Variants in CFAP57 observed in about 807,000 individuals in gnomAD.
The protein encoded by CFAP57 is cilia- and flagella-associated protein 57.
Under a neutral mutation model 146.8 loss-of-function variants are expected in CFAP57, and 116 were observed. The ratio of observed to expected loss-of-function variants is 0.79; its 90% CI spans 0.68 to 0.92. The LOEUF (loss-of-function observed/expected upper bound fraction) is 0.92, where lower values mean the gene tolerates loss of function less well. CFAP57 is among the 40% of genes least tolerant of loss of function. CFAP57 has a pLI of 0.00. For missense variants in CFAP57, 1,377 were observed against 1,527.2 expected (o/e 0.90, Z 1.64); for synonymous variants, 518 against 552.8 (o/e 0.94, Z 0.88).
In CFAP57 at chr1:43,222,261, C is replaced by CA; in HGVS notation, c.2502dup (p.Leu835ThrfsTer23). 1.4e-6 allele frequency: 2 copies of CA among 1,472,344 alleles called. No homozygotes were observed. Among genetic ancestry groups the CA allele is most frequent in the Non-Finnish European group, 1.8e-6 (2 of 1,107,744 alleles). 91.2% of individuals were successfully genotyped at this position (1,472,344 alleles called of 1,614,324 possible). ...GAGGAGCTGACTGAGTTTTACGAGGCAAAACTGCAGGAGAAAACCACCCTT... is the reference window on the plus strand; with the variant it reads ...GAGGAGCTGACTGAGTTTTACGAGGCAAAAACTGCAGGAGAAAACCACCCTT... On this transcript the variant is annotated frameshift_variant, in exon 15 of 23. Transcript: ENST00000372492. LOFTEE classifies it high-confidence loss of function.
Position 43,201,106 on chromosome 1 carries a change from G to A in CFAP57, c.1542+1603G>A, listed in dbSNP as rs1301378830. Reference sequence around the variant, plus strand: ...ATGTATGTGTGTGGAGGTCAGGAGAGAAGTCAGGGCTGAGTATGAAGATTC... The same window carrying A: ...ATGTATGTGTGTGGAGGTCAGGAGAAAAGTCAGGGCTGAGTATGAAGATTC... On this transcript the variant is annotated intron_variant, in intron 9 of 22. Coordinates refer to ENST00000372492, the MANE Select transcript of CFAP57 (RefSeq NM_001378189.1). This position sits in a 1 kb window ranked among gnomAD's most constrained non-coding sequence, Gnocchi z 4.4. Among the ~76,000 whole-genome samples, 1 of 152,164 alleles carries A rather than the reference G, an allele frequency of 6.6e-6. No individual in the cohort carries two copies. The highest frequency in any genetic ancestry group is 1.5e-5 in the Non-Finnish European group (1 of 68,040).
chr1:43,176,713 A>G (rs1335440388), intron 2 of CFAP57, among the ~76,000 whole-genome samples: 4 of 152,220 alleles, frequency 2.6e-5, no homozygotes, highest in African/African-American at 9.7e-5. Flanking sequence ...CATGCTAGAT[A>G]GTGATAGATG....
At chr1:43,239,829 T>G (rs1005328248) in intron 21 of CFAP57, among the ~76,000 whole-genome samples, 7 of 152,342 alleles carry the variant, frequency 4.6e-5, no homozygotes, top group African/African-American at 1.7e-4. Flanking sequence ...CCTTCTGTTC[T>G]GGTCTCTTTC....
chr1:43,227,138 T>C lies in CFAP57; in HGVS notation c.3009+12T>C, dbSNP rs200389336. On this transcript the variant is annotated intron_variant, in intron 18 of 22. Coordinates refer to ENST00000372492, the MANE Select transcript of CFAP57 (RefSeq NM_001378189.1). ...AACAGATTCAGGAGGTAAGAAGCCA[T>C]TTGCAACACTCTGGCCTCTCAGACC... 5.1e-4 allele frequency: 779 copies of C among 1,521,196 alleles called. 1 individual carries two copies. Among genetic ancestry groups the C allele is most frequent in the Middle Eastern group, 1.7e-3 (10 of 5,842 alleles). The allele number at this position is 1,521,196 out of a possible 1,614,324, so 94.2% of individuals were successfully genotyped here.
chr1:43,175,161 C>T (rs964605694), intron 2 of CFAP57, among the ~76,000 whole-genome samples: 11 of 152,042 alleles, frequency 7.2e-5, no homozygotes, highest in Non-Finnish European at 5.9e-5. Context: ...CTATCAGCAT[C>T]GTCTTTCTGT....
intron 12 of CFAP57, among the ~76,000 whole-genome samples, chr1:43,219,035 G>A (rs1352151578): frequency 6.6e-6 from 1 of 152,326 alleles, no homozygotes; most frequent in South Asian, 2.1e-4. Flanking sequence ...AAGAAGTAGA[G>A]CAGAGTAAGA....
At chr1:43,226,220 G>A (rs1645237726) in intron 17 of CFAP57, among the ~76,000 whole-genome samples, 1 of 152,200 alleles carries the variant, frequency 6.6e-6, no homozygotes, top group Non-Finnish European at 1.5e-5. Context: ...TCTGCTTACA[G>A]GTGCTACAGA....
At chr1:43,198,351 G>C in intron 7 of CFAP57, 130 bp from the exon 8 acceptor site, 1 of 1,046,422 alleles carries the variant, frequency 9.6e-7, no homozygotes, top group Non-Finnish European at 1.4e-6. Flanking sequence ...ATCTAGAAAA[G>C]AGAGGAACCA....
At chr1:43,184,724 A>G (rs11810153) in intron 4 of CFAP57, among the ~76,000 whole-genome samples, 7,890 of 117,942 alleles carry the variant, frequency 0.067, 306 homozygotes, top group African/African-American at 0.12. Context: ...CCATCCCCCC[A>G]TGCCAATGGC....
At chr1:43,204,953 C>A (rs632866) in intron 9 of CFAP57, among the ~76,000 whole-genome samples, 110,397 of 151,966 alleles carry the variant, frequency 0.73, 42,729 homozygotes, top group Middle Eastern at 0.89. Context: ...CTTAATGTTC[C>A]GCATTTGGTA....
Position 43,197,500 on chromosome 1 carries a change from A to AG in CFAP57, c.1123-53_1123-52insG. On this transcript the variant is annotated intron_variant, in intron 6 of 22. Transcript: ENST00000372492. ...TGGGAACTAATTAGAGCTGACATGT[A>AG]CAGCCAGCCTTTTGCTTACTCTGCG... is the stretch of plus-strand genomic sequence containing the variant. 7 of 1,613,334 alleles carry AG rather than the reference A, an allele frequency of 4.3e-6. No individual in the cohort carries two copies. The South Asian group carries it at 6.6e-5, about 15-fold the overall frequency.
intron 9 of CFAP57, among the ~76,000 whole-genome samples, chr1:43,205,668 A>T (rs1256261541): frequency 6.6e-6 from 1 of 152,154 alleles, no homozygotes; most frequent in East Asian, 1.9e-4. Context: ...AGGGGAAGAG[A>T]GTCTGAGCCC....
intron 11 of CFAP57, among the ~76,000 whole-genome samples, chr1:43,215,011 G>A (rs76270347): frequency 8.5e-5 from 13 of 152,226 alleles, no homozygotes; most frequent in African/African-American, 2.9e-4. Flanking sequence ...TTTCTTGTTC[G>A]TTCTAGATAA....
chr1:43,190,621 G>T (rs571234417), intron 6 of CFAP57, among the ~76,000 whole-genome samples: 1 of 152,106 alleles, frequency 6.6e-6, no homozygotes, highest in Admixed American at 6.5e-5. Flanking sequence ...TTTTTTTGAA[G>T]ATACTGTTTA....
At chr1:43,205,112 C>G (rs547050168) in intron 9 of CFAP57, among the ~76,000 whole-genome samples, 7 of 152,290 alleles carry the variant, frequency 4.6e-5, no homozygotes, top group African/African-American at 1.7e-4. Context: ...TACACAAGAC[C>G]TTCCAGCCTC....
chr1:43,207,171 T>C (rs1351780853), intron 10 of CFAP57, among the ~76,000 whole-genome samples: 2 of 152,254 alleles, frequency 1.3e-5, no homozygotes, highest in African/African-American at 4.8e-5. Flanking sequence ...CTCTTTTTCA[T>C]TTCCCTTTTA....
At chr1:43,217,280 G>C (rs142054050) in intron 12 of CFAP57, among the ~76,000 whole-genome samples, 1 of 152,184 alleles carries the variant, frequency 6.6e-6, no homozygotes, top group Non-Finnish European at 1.5e-5. Context: ...GCTGGGGAAT[G>C]ACTTAACATG....
intron 2 of CFAP57, among the ~76,000 whole-genome samples, chr1:43,179,125 G>C (rs1225450400): frequency 6.6e-6 from 1 of 152,084 alleles, no homozygotes; most frequent in Non-Finnish European, 1.5e-5. Flanking sequence ...TCACACACCG[G>C]GGCCTGTTGT....
At position 43,172,743 on chromosome 1, in the gene CFAP57, G is replaced by C. The variant is rs1471119992; in HGVS notation, c.-11G>C. 7.4e-6 allele frequency: 12 copies of C among 1,613,866 alleles called. No homozygotes were observed. The highest frequency in any genetic ancestry group is 1.1e-5 in the South Asian group (1 of 91,068). On this transcript the variant is annotated 5_prime_UTR_variant, in exon 2 of 23. Transcript: ENST00000372492. ...GCCTTGGTCTTCAGCAGAACTGTTT[G>C]GCGGGAGATCATGTCAGCCGTGGTA...
Sources: gnomAD v4.1 joint callset for allele counts (sites outside exome capture counted in the v4.1 genomes callset) on GRCh38, gnomAD v4.1.1 for gene constraint, Gnocchi (gnomAD v3.1) non-coding constraint, MANE v1.5 for transcripts, NCBI Gene and HGNC (gene_info 2026-07-23, HGNC 2026-07-21) for gene names.